Variants in ERCC4 observed in about 807,000 individuals in gnomAD.
ERCC4 encodes DNA repair endonuclease XPF.
ERCC4 carries 65 observed loss-of-function variants against 76.9 expected under a neutral mutation model. That is an observed-to-expected ratio of 0.84 (90% CI 0.69 to 1.04). The LOEUF (loss-of-function observed/expected upper bound fraction) is 1.04, where lower values mean the gene tolerates loss of function less well. Ranked by LOEUF, ERCC4 falls within the 50% of genes least tolerant of loss-of-function variation. ERCC4 has a pLI of 0.00. For missense variants in ERCC4, 1,214 were observed against 1,128.2 expected (o/e 1.08, Z -1.09); for synonymous variants, 463 against 410.1 (o/e 1.13, Z -1.56).
chr16:13,945,806 C>T (rs2032502291), intron 10 of ERCC4, among the ~76,000 whole-genome samples: 1 of 152,180 alleles, frequency 6.6e-6, no homozygotes, highest in Non-Finnish European at 1.5e-5. Context: ...GAATGTAAGG[C>T]AGTATGGGTA....
rs558999828 is a variant in ERCC4 at position 13,934,747 on chromosome 16, C to T, written c.1214-399C>T. On this transcript the variant is annotated intron_variant, in intron 7 of 10. Transcript: ENST00000311895. The stretch of plus-strand genomic sequence containing the variant: ...TCTATTACTTCAATATGTAATGAGC[C>T]GGTACAAACTGAAGACATTGTCTAA... The T allele has an allele frequency of 5.6e-5, 13 of 230,960 alleles. No homozygotes were observed. In the Admixed American group the frequency reaches 5.6e-4, roughly 10 times the overall value. The allele number at this position is 230,960 out of a possible 1,614,324, so 14.3% of individuals were successfully genotyped here. A position where few individuals can be genotyped will look rare whatever the true frequency, so the allele number is the denominator to read the frequency against.
rs990556541 is a variant in ERCC4 at position 13,948,360 on chromosome 16, G to A, written c.*13G>A. 1.2e-6 allele frequency: 2 copies of A among 1,606,062 alleles called. No individual in the cohort carries two copies. The highest frequency in any genetic ancestry group is 1.3e-5 in the African/African-American group (1 of 75,040). On this transcript the variant is annotated 3_prime_UTR_variant, in exon 11 of 11. Transcript: ENST00000311895. ...AGGGAAAAAGTGAACAGTGATGGCT[G>A]TTTTCTTATCCCATGCCTGTACTTT...
At chr16:13,933,703 G>A (rs943350256) in intron 6 of ERCC4, 12 of 152,260 alleles carry the variant, frequency 7.9e-5, no homozygotes, top group African/African-American at 1.2e-4. Flanking sequence ...GTGAAACTTC[G>A]TCTTAAAAAA....
At chr16:13,926,247 G>C (rs2032070056) in intron 2 of ERCC4, among the ~76,000 whole-genome samples, 1 of 152,204 alleles carries the variant, frequency 6.6e-6, no homozygotes, top group Non-Finnish European at 1.5e-5. Flanking sequence ...TCTTGGCCCA[G>C]ATGGTCACAA....
At position 13,948,257 on chromosome 16, in the gene ERCC4, T is replaced by C; in HGVS notation, c.2661T>C (p.Ile887=). 1.2e-6 allele frequency: 2 copies of C among 1,614,114 alleles called. No individual in the cohort carries two copies. Among genetic ancestry groups the C allele is most frequent in the Non-Finnish European group, 1.7e-6 (2 of 1,180,028 alleles). The change falls in exon 11 of 11, where the codon ATT becomes ATC. Residue 887 remains isoleucine (I), a synonymous_variant. Coordinates refer to ENST00000311895, the MANE Select transcript of ERCC4 (RefSeq NM_005236.3). ...TGTCACAAGACGAGCTCACGAGTAT[T>C]CTGGGGAATGCTGCAAATGCCAAAC... The part of the protein sequence containing the change: ...AALSQDELTS[I]LGNAANAKQL...
intron 2 of ERCC4, among the ~76,000 whole-genome samples, chr16:13,925,775 A>T (rs1209536642): frequency 6.6e-6 from 1 of 152,176 alleles, no homozygotes; most frequent in Non-Finnish European, 1.5e-5. Context: ...GCATGTCTGT[A>T]TGCCTTTATG....
intron 2 of ERCC4, 139 bp downstream of exon 2, chr16:13,922,350 G>C (rs2031995032): frequency 2.6e-6 from 2 of 773,302 alleles, no homozygotes; most frequent in East Asian, 2.4e-5. Context: ...CCTTTGGTAG[G>C]GGTCGTGGGG....
intron 2 of ERCC4, among the ~76,000 whole-genome samples, chr16:13,925,566 G>A (rs1401766917): frequency 1.3e-5 from 2 of 152,144 alleles, no homozygotes; most frequent in Non-Finnish European, 2.9e-5. Flanking sequence ...CATTAAAATA[G>A]TAAAATCTGA....
rs182459107 is a variant in ERCC4 at position 13,921,571 on chromosome 16, C to G, written c.208-460C>G. ...TTTTAAACTGGGGATATAAATAAAC[C>G]AAGCCAAGGGACCCAGTGACATGAA... On this transcript the variant is annotated intron_variant, in intron 1 of 10. Coordinates refer to ENST00000311895, the MANE Select transcript of ERCC4 (RefSeq NM_005236.3). Among the ~76,000 whole-genome samples the G allele has an allele frequency of 1.1e-3, 170 of 152,228 alleles. 1 individual carries two copies. Among genetic ancestry groups the G allele is most frequent in the Admixed American group, 4.6e-3 (70 of 15,292 alleles).
In ERCC4 at chr16:13,930,717, G is replaced by T. The variant is rs143479220; in HGVS notation, c.800G>T (p.Arg267Leu). ...ATTTTATTCTTGTTTTAGACAATCCGCCATTATCTGGATCCTTTGTGGCAC... is the reference window on the plus strand; with the variant it reads ...ATTTTATTCTTGTTTTAGACAATCCTCCATTATCTGGATCCTTTGTGGCAC... ...AIGKPFDKTIRHYLDPLWHQL... is the reference protein window; with the variant it reads ...AIGKPFDKTILHYLDPLWHQL... The change falls in exon 5 of 11, where the codon CGC (arginine) becomes CTC (leucine). Residue 267 changes from arginine to leucine, a missense_variant. Arg to Leu is a moderately radical substitution (Grantham distance 102). Transcript: ENST00000311895. The T allele has an allele frequency of 6.3e-5, 101 of 1,612,544 alleles. No individual in the cohort carries two copies. The highest frequency in any genetic ancestry group is 8.4e-5 in the Non-Finnish European group (99 of 1,178,834).
At chr16:13,931,066 G>T (rs762319321) in intron 5 of ERCC4, 176 bp downstream of exon 5, 1 of 628,382 alleles carries the variant, frequency 1.6e-6, no homozygotes, top group Admixed American at 2.6e-5. Context: ...TAATGTTTCC[G>T]CCTACTTAAC....
intron 2 of ERCC4, among the ~76,000 whole-genome samples, chr16:13,925,648 G>A (rs984457865): frequency 6.6e-6 from 1 of 152,136 alleles, no homozygotes; most frequent in Non-Finnish European, 1.5e-5. Flanking sequence ...TTCCAGATAT[G>A]AGAACTGGAT....
At chr16:13,922,610 T>C (rs2032000169) in intron 2 of ERCC4, 1 of 623,858 alleles carries the variant, frequency 1.6e-6, no homozygotes, top group Non-Finnish European at 2.9e-6. Flanking sequence ...GCACAGTTCG[T>C]GCAGCAAATA....
chr16:13,921,616 G>A (rs956777754), intron 1 of ERCC4, among the ~76,000 whole-genome samples: 4 of 152,200 alleles, frequency 2.6e-5, no homozygotes, highest in Non-Finnish European at 5.9e-5. Flanking sequence ...GGATAGATTA[G>A]CACAGAACTG....
Position 13,947,675 on chromosome 16 carries a change from T to A in ERCC4, c.2079T>A (p.Ser693Arg), listed in dbSNP as rs1202290454. 1 of 1,614,134 alleles carries A rather than the reference T, an allele frequency of 6.2e-7. No homozygotes were observed. Among genetic ancestry groups the A allele is most frequent in the Non-Finnish European group, 8.5e-7 (1 of 1,180,052 alleles). Residue 693 changes from serine to arginine, a missense_variant, in exon 11 of 11, where the codon AGT becomes AGA. Physicochemically the swap from Ser to Arg is moderately radical, Grantham distance 110 (BLOSUM62 -1). Coordinates refer to ENST00000311895, the MANE Select transcript of ERCC4 (RefSeq NM_005236.3). ...TTGTGGATATGCGTGAATTTCGAAG[T>A]GAGCTTCCATCTCTGATCCATCGTC... ...SIVVDMREFR[S>R]ELPSLIHRRG...
intron 10 of ERCC4, among the ~76,000 whole-genome samples, chr16:13,946,057 C>G (rs926952732): frequency 7.9e-5 from 12 of 152,176 alleles, no homozygotes; most frequent in African/African-American, 2.7e-4. Context: ...CTTTCCTGGC[C>G]TTTTCCAGCC....
intron 5 of ERCC4, chr16:13,931,494 A>G (rs3136114): frequency 0.013 from 1,982 of 157,126 alleles, 40 homozygotes; most frequent in African/African-American, 0.045. Context: ...ACAGTAAAGA[A>G]TGCACTGAAT....
intron 4 of ERCC4, 148 bp downstream of exon 4, chr16:13,928,383 A>T: frequency 3.1e-6 from 2 of 635,872 alleles, no homozygotes; most frequent in Admixed American, 5.5e-5. Flanking sequence ...TCTTTGGTTT[A>T]CTGGAAAGTA....
intron 8 of ERCC4, among the ~76,000 whole-genome samples, chr16:13,937,347 TAAA>T (rs551889526): frequency 3.3e-5 from 5 of 151,936 alleles, no homozygotes; most frequent in Non-Finnish European, 7.4e-5. Context: ...AGACATGAAT[TAAA>T]AAAAACGTTC....
Sources: gnomAD v4.1 joint callset for allele counts (sites outside exome capture counted in the v4.1 genomes callset) on GRCh38, gnomAD v4.1.1 for gene constraint, MANE v1.5 for transcripts, NCBI Gene and HGNC (gene_info 2026-07-23, HGNC 2026-07-21) for gene names.